AKT3: variants seen among roughly 807,000 people sequenced by gnomAD.
AKT3 encodes AKT serine/threonine kinase 3, also known as RAC-gamma serine/threonine-protein kinase.
A neutral mutation model predicts 65.3 loss-of-function variants in AKT3; 15 were observed. That is an observed-to-expected ratio of 0.23 (90% CI 0.15 to 0.35). The LOEUF (loss-of-function observed/expected upper bound fraction) is 0.35. Among genes scored for constraint, AKT3 ranks in the 10% least tolerant of loss-of-function variants. AKT3 has a pLI of 1.00. For synonymous variants in AKT3, 206 were observed against 183.8 expected (o/e 1.12, Z -0.98); for missense variants, 243 against 576.5 (o/e 0.42, Z 5.92).
At chr1:243,816,570 G>A (rs1256738841) in intron 2 of AKT3, among the ~76,000 whole-genome samples, 1 of 151,754 alleles carries the variant, frequency 6.6e-6, no homozygotes, top group East Asian at 1.9e-4. Context: ...TCAAGAAAAG[G>A]CATCTAAAAT....
intron 2 of AKT3, among the ~76,000 whole-genome samples, chr1:243,730,567 AGCCTTCCT>A (rs1260440675): frequency 1.3e-5 from 2 of 152,156 alleles, no homozygotes; most frequent in Non-Finnish European, 2.9e-5. Flanking sequence ...GTAACACTAT[AGCCTTCCT>A]GCCTTCTGCC....
chr1:243,515,846 C>T (rs1002302840), intron 12 of AKT3, among the ~76,000 whole-genome samples: 3 of 151,916 alleles, frequency 2.0e-5, no homozygotes, highest in African/African-American at 7.3e-5. Flanking sequence ...AAAAATTAGC[C>T]GGCTGTGGTG....
rs200670190 is a variant in AKT3 at position 243,843,199 on chromosome 1, G to A, written c.-29C>T. On this transcript the variant is annotated 5_prime_UTR_variant, in exon 2 of 14. Coordinates refer to ENST00000673466, the MANE Select transcript of AKT3 (RefSeq NM_005465.7). ...GACTCCCCTCTGAGCCCCCAACTTGGAGAAATGGTACTTTGTGATATCAGC... is the reference window on the plus strand; with the variant it reads ...GACTCCCCTCTGAGCCCCCAACTTGAAGAAATGGTACTTTGTGATATCAGC... 2.7e-5 allele frequency: 43 copies of A among 1,609,842 alleles called. No individual in the cohort carries two copies. The highest frequency in any genetic ancestry group is 1.7e-4 in the Middle Eastern group (1 of 6,046).
intron 2 of AKT3, among the ~76,000 whole-genome samples, chr1:243,770,355 A>C (rs1690100332): frequency 6.6e-6 from 1 of 152,198 alleles, no homozygotes; most frequent in African/African-American, 2.4e-5. Context: ...GAAACCTAAG[A>C]GAGGTTAACT....
intron 8 of AKT3, among the ~76,000 whole-genome samples, chr1:243,600,449 T>C (rs146677668): frequency 1.3e-5 from 2 of 152,268 alleles, no homozygotes; most frequent in African/African-American, 4.8e-5. Flanking sequence ...CAGTGTGGTA[T>C]AGGTTTCAGG....
intron 13 of AKT3, chr1:243,489,183 C>T (rs1665763562): frequency 1.9e-6 from 3 of 1,603,866 alleles, no homozygotes; most frequent in South Asian, 1.1e-5. Flanking sequence ...CTTGGGCGGG[C>T]GTCTACAGGT....
intron 9 of AKT3, among the ~76,000 whole-genome samples, chr1:243,566,854 T>G (rs1344475846): frequency 6.6e-6 from 1 of 152,224 alleles, no homozygotes; most frequent in African/African-American, 2.4e-5. Flanking sequence ...ATTGTCATGA[T>G]GTGGGCTCTT....
At chr1:243,567,097 T>C (rs928843313) in intron 9 of AKT3, among the ~76,000 whole-genome samples, 7 of 152,038 alleles carry the variant, frequency 4.6e-5, no homozygotes, top group Non-Finnish European at 5.9e-5. Context: ...CTGGGCAACA[T>C]GGTGAAACCC....
At chr1:243,690,246 G>A (rs1196270128) in intron 3 of AKT3, among the ~76,000 whole-genome samples, 1 of 152,004 alleles carries the variant, frequency 6.6e-6, no homozygotes, top group East Asian at 1.9e-4. Context: ...TCCTCCATGT[G>A]GGAACTACTC....
At chr1:243,772,459 G>A (rs766178864) in intron 2 of AKT3, among the ~76,000 whole-genome samples, 11 of 152,210 alleles carry the variant, frequency 7.2e-5, no homozygotes, top group South Asian at 4.1e-4. Context: ...CTGGCCATCA[G>A]AGAACTGCAA....
chr1:243,834,375 G>T (rs1213594409), intron 2 of AKT3, among the ~76,000 whole-genome samples: 5 of 152,268 alleles, frequency 3.3e-5, no homozygotes, highest in Middle Eastern at 3.4e-3. Flanking sequence ...TGGAGCTGGA[G>T]GGTATTACCT....
At chr1:243,562,994 C>T (rs1673902490) in intron 10 of AKT3, among the ~76,000 whole-genome samples, 1 of 152,142 alleles carries the variant, frequency 6.6e-6, no homozygotes, top group Non-Finnish European at 1.5e-5. Context: ...CCACACCACA[C>T]CCTTACATTT....
At chr1:243,820,445 G>A (rs543478245) in intron 2 of AKT3, among the ~76,000 whole-genome samples, 13 of 152,274 alleles carry the variant, frequency 8.5e-5, no homozygotes, top group Non-Finnish European at 1.8e-4. Flanking sequence ...TCAACTAGAC[G>A]AACGCTTAGA....
chr1:243,517,768 G>T (rs750754986), intron 12 of AKT3, among the ~76,000 whole-genome samples: 1 of 152,144 alleles, frequency 6.6e-6, no homozygotes, highest in Non-Finnish European at 1.5e-5. Flanking sequence ...TCTTTCAATT[G>T]TGGTGTTTAG....
intron 3 of AKT3, among the ~76,000 whole-genome samples, chr1:243,671,375 C>T (rs543407468): frequency 6.6e-5 from 10 of 152,246 alleles, no homozygotes; most frequent in South Asian, 2.1e-4. Flanking sequence ...CCACTGCATC[C>T]GGCCAGATTC....
chr1:243,703,976 CTTT>C (rs1234080529), intron 2 of AKT3, among the ~76,000 whole-genome samples: 1 of 152,020 alleles, frequency 6.6e-6, no homozygotes, highest in Non-Finnish European at 1.5e-5. Context: ...TATCATTTAT[CTTT>C]TATTGAGTCT....
intron 12 of AKT3, among the ~76,000 whole-genome samples, chr1:243,538,614 G>A (rs1186828935): frequency 6.6e-6 from 1 of 152,060 alleles, no homozygotes. Flanking sequence ...AAAAGCAAAA[G>A]AAAGGTGGAG....
At chr1:243,850,723 G>C (rs1035996536), upstream of AKT3, among the ~76,000 whole-genome samples, 1 of 151,498 alleles carries the variant, frequency 6.6e-6, no homozygotes, top group Non-Finnish European at 1.5e-5. Context: ...TCCCCTCCCT[G>C]CCCGGCCCTC....
At chr1:243,680,301 CAAAT>C (rs1190524965) in intron 3 of AKT3, among the ~76,000 whole-genome samples, 1 of 152,040 alleles carries the variant, frequency 6.6e-6, no homozygotes, top group Non-Finnish European at 1.5e-5. Context: ...GAGCACAAAA[CAAAT>C]GAATGAAAAA....
Sources: gnomAD v4.1 joint callset for allele counts (sites outside exome capture counted in the v4.1 genomes callset) on GRCh38, gnomAD v4.1.1 for gene constraint, MANE v1.5 for transcripts, NCBI Gene and HGNC (gene_info 2026-07-23, HGNC 2026-07-21) for gene names.